The following KCNH1 variants were observed in gnomAD, a reference collection of about 807,000 sequenced individuals.
KCNH1 encodes the protein potassium voltage-gated channel subfamily H member 1, also known as voltage-gated delayed rectifier potassium channel KCNH1.
KCNH1 carries 27 observed loss-of-function variants against 69.2 expected under a neutral mutation model. That is an observed-to-expected ratio of 0.39 (90% confidence interval 0.29 to 0.54). The LOEUF is 0.54. Among genes scored for constraint, KCNH1 ranks in the 20% least tolerant of loss-of-function variants. The pLI, the probability that KCNH1 is intolerant of heterozygous loss-of-function variation, is 0.68. For synonymous variants in KCNH1, 456 were observed against 487.7 expected, an observed-to-expected ratio of 0.93 and a Z score of 0.86; for missense variants, 798 against 1,261.6, an observed-to-expected ratio of 0.63 and a Z score of 5.57.
intron 6 of KCNH1, among the ~76,000 whole-genome samples, chr1:210,924,337 A>G (rs1276612676): frequency 6.6e-6 from 1 of 152,222 alleles, no homozygotes; most frequent in Non-Finnish European, 1.5e-5. Context: ...TTCTAAACTA[A>G]ATTGAAGTTT....
At chr1:210,885,452 G>C (rs539067666) in intron 7 of KCNH1, among the ~76,000 whole-genome samples, 1 of 152,194 alleles carries the variant, frequency 6.6e-6, no homozygotes, top group Non-Finnish European at 1.5e-5. Flanking sequence ...TACCACCAGG[G>C]CCCTGGGTTT....
At chr1:210,831,799 T>C (rs1230876835) in intron 7 of KCNH1, among the ~76,000 whole-genome samples, 1 of 152,056 alleles carries the variant, frequency 6.6e-6, no homozygotes, top group African/African-American at 2.4e-5. Context: ...ACAGGATGAG[T>C]CTGTTTTTTC....
chr1:210,870,735 A>G (rs189792131), intron 7 of KCNH1, among the ~76,000 whole-genome samples: 1 of 152,192 alleles, frequency 6.6e-6, no homozygotes, highest in Admixed American at 6.5e-5. Flanking sequence ...TTACAGAGTG[A>G]CTCTTTCTAA....
At chr1:210,740,705 T>A (rs1030703696) in intron 10 of KCNH1, among the ~76,000 whole-genome samples, 2 of 54,176 alleles carry the variant, frequency 3.7e-5, no homozygotes, top group Middle Eastern at 7.9e-3. Context: ...TATGATTAAA[T>A]TTTTTTTTTT....
chr1:210,766,635 G>A (rs1683640329), intron 10 of KCNH1, among the ~76,000 whole-genome samples: 1 of 152,202 alleles, frequency 6.6e-6, no homozygotes. Context: ...GATATATGGA[G>A]TCAGGGTCCC....
intron 5 of KCNH1, among the ~76,000 whole-genome samples, chr1:211,036,569 T>C (rs945423341): frequency 3.9e-5 from 6 of 152,184 alleles, no homozygotes; most frequent in African/African-American, 7.2e-5. Context: ...GGAAGGAATC[T>C]CTGGGCACTG....
At chr1:210,860,195 G>T (rs544205212) in intron 7 of KCNH1, 11 of 1,280,110 alleles carry the variant, frequency 8.6e-6, no homozygotes, top group Non-Finnish European at 1.3e-5. Context: ...TAATTATAAA[G>T]GAGGGGCATC....
At chr1:211,023,323 G>A (rs79356610) in intron 5 of KCNH1, among the ~76,000 whole-genome samples, 4,020 of 151,578 alleles carry the variant, frequency 0.027, 95 homozygotes, top group South Asian at 0.061. Context: ...TATATCCAAA[G>A]GAAAGGAAAG....
rs1267324049 is a variant in KCNH1 at position 211,134,117 on chromosome 1, C to G, written c.-172G>C. On this transcript the variant is annotated 5_prime_UTR_variant, in exon 1 of 11. Transcript: ENST00000271751. The surrounding 1 kb of genome is among the most constrained non-coding windows in gnomAD (Gnocchi z 5.7). ...GGCTGCTACCCTCGCGCCCTCTTCG[C>G]GCCTCCCTCCCTGCGGCCCGCCTCG... The G allele has an allele frequency of 2.0e-6, 1 of 505,880 alleles. No individual in the cohort carries two copies. The highest frequency in any genetic ancestry group is 2.7e-5 in the South Asian group (1 of 37,424). The allele number at this position is 505,880 out of a possible 1,614,324, so 31.3% of individuals were successfully genotyped here. A position where few individuals can be genotyped will look rare whatever the true frequency, so the allele number is the denominator to read the frequency against.
At chr1:210,722,494 C>T (rs1447778584) in intron 10 of KCNH1, among the ~76,000 whole-genome samples, 1 of 152,048 alleles carries the variant, frequency 6.6e-6, no homozygotes, top group Non-Finnish European at 1.5e-5. Flanking sequence ...AAGTTCTGTG[C>T]CCCTGGGAGC....
At chr1:210,816,109 C>T (rs983542719) in intron 7 of KCNH1, among the ~76,000 whole-genome samples, 1 of 152,200 alleles carries the variant, frequency 6.6e-6, no homozygotes, top group Non-Finnish European at 1.5e-5. Flanking sequence ...CCTCATTTCT[C>T]TTCAACTCAT....
chr1:210,785,825 T>G (rs1684090012), intron 9 of KCNH1, among the ~76,000 whole-genome samples: 1 of 152,134 alleles, frequency 6.6e-6, no homozygotes, highest in Non-Finnish European at 1.5e-5. Flanking sequence ...GTAGGAAGGA[T>G]GTTCTTTCTG....
chr1:211,003,650 G>A (rs1689228641), intron 6 of KCNH1, among the ~76,000 whole-genome samples: 1 of 152,134 alleles, frequency 6.6e-6, no homozygotes, highest in Non-Finnish European at 1.5e-5. Flanking sequence ...GAAAGAGAAG[G>A]AGGAAGAGGA....
intron 10 of KCNH1, among the ~76,000 whole-genome samples, chr1:210,758,494 G>T (rs2102347328): frequency 6.6e-6 from 1 of 152,322 alleles, no homozygotes; most frequent in South Asian, 2.1e-4. Flanking sequence ...TCAGCTGGGG[G>T]ACAGTGGCCT....
chr1:211,040,556 G>A (rs1689977620), intron 5 of KCNH1, among the ~76,000 whole-genome samples: 1 of 152,172 alleles, frequency 6.6e-6, no homozygotes, highest in Non-Finnish European at 1.5e-5. Flanking sequence ...ATGTGGAACT[G>A]TAAGTCTGAT....
chr1:210,775,207 C>T (rs1229071930), intron 10 of KCNH1, 141 bp downstream of exon 10: 1 of 688,176 alleles, frequency 1.5e-6, no homozygotes, highest in Non-Finnish European at 2.4e-6. Flanking sequence ...AAAAGCCCCG[C>T]AGAGCAAACA....
chr1:211,036,914 C>T (rs2102428246), intron 5 of KCNH1, among the ~76,000 whole-genome samples: 1 of 152,304 alleles, frequency 6.6e-6, no homozygotes, highest in South Asian at 2.1e-4. Context: ...CACACTCTCC[C>T]TAATCCTCTC....
In KCNH1 at chr1:210,683,696, T is replaced by C. The variant is rs1681332107; in HGVS notation, c.2555A>G (p.Lys852Arg). ...DACGKSEDWN[K>R]VSKAESMETL... is the part of the protein sequence containing the mutation. ...CTCCATCGACTCAGCCTTGGACACC[T>C]TGTTCCAGTCCTCACTCTTCCCGCA... is the stretch of plus-strand genomic sequence containing the variant. Residue 852 changes from lysine (K) to arginine (R), a missense_variant, in exon 11 of 11, where the codon AAG becomes AGG. Physicochemically the swap from Lys to Arg is conservative, Grantham distance 26 (BLOSUM62 2). This residue lies in a region of KCNH1 where 331 missense variants were observed against 363.2 expected (regional missense o/e 0.91). Transcript: ENST00000271751. The surrounding 1 kb of genome is among the most constrained non-coding windows in gnomAD (Gnocchi z 5.7). 6.2e-7 allele frequency: 1 copy of C among 1,614,210 alleles called. No homozygotes were observed.
At chr1:210,945,022 T>G (rs1375746893) in intron 6 of KCNH1, among the ~76,000 whole-genome samples, 1 of 152,248 alleles carries the variant, frequency 6.6e-6, no homozygotes, top group East Asian at 1.9e-4. Context: ...GTTTGTCCTT[T>G]TGTGTCTGGC....
Sources: allele counts gnomAD v4.1 joint callset (sites outside exome capture counted in the v4.1 genomes callset), GRCh38; gene constraint gnomAD v4.1.1; regional missense constraint gnomAD v4.1.1; non-coding constraint Gnocchi (gnomAD v3.1); transcripts MANE v1.5; gene names NCBI Gene and HGNC (gene_info 2026-07-23, HGNC 2026-07-21).